MYL11: variants seen among roughly 807,000 people sequenced by gnomAD.
The protein encoded by MYL11 is myosin light chain 11.
the MYL11 span, chr16:30,374,769 G>A: frequency 6.5e-7 from 1 of 1,534,810 alleles, no homozygotes; most frequent in South Asian, 1.2e-5. Flanking sequence ...CCTGGGGCAG[G>A]ACTATATAAC....
At chr16:30,376,860 G>C in the MYL11 span, among the ~76,000 whole-genome samples, 1 of 152,130 alleles carries the variant, frequency 6.6e-6, no homozygotes, top group South Asian at 2.1e-4. Flanking sequence ...TTGAGGACAG[G>C]AGTTTGAGAT....
chr16:30,377,951 A>C, the MYL11 span: 51 of 1,520,816 alleles, frequency 3.4e-5, no homozygotes, highest in Non-Finnish European at 4.4e-5. Context: ...CCCGACCTCC[A>C]CCCCGGCTCC....
chr16:30,376,932 G>T, the MYL11 span, among the ~76,000 whole-genome samples: 3 of 152,188 alleles, frequency 2.0e-5, no homozygotes, highest in Admixed American at 6.5e-5. Flanking sequence ...TCGTGGGCTG[G>T]CCGGGCACAG....
the MYL11 span, among the ~76,000 whole-genome samples, chr16:30,377,145 G>A: frequency 2.6e-5 from 4 of 151,984 alleles, no homozygotes; most frequent in Non-Finnish European, 5.9e-5. Context: ...CCCTGGAGTC[G>A]GAGGTTGCAG....
the MYL11 span, chr16:30,377,879 C>T: frequency 5.4e-5 from 87 of 1,612,824 alleles, no homozygotes; most frequent in Non-Finnish European, 7.1e-5. Flanking sequence ...TCACGCACGG[C>T]GACGCCAAGG....
the MYL11 span, among the ~76,000 whole-genome samples, chr16:30,371,777 T>C: frequency 6.6e-6 from 1 of 152,116 alleles, no homozygotes; most frequent in Non-Finnish European, 1.5e-5. Flanking sequence ...GCCACATCCC[T>C]CTGTGCTCCT....
At chr16:30,377,756 A>C in the MYL11 span, 1 of 1,604,896 alleles carries the variant, frequency 6.2e-7, no homozygotes, top group Non-Finnish European at 8.5e-7. Flanking sequence ...GGCCGGGGAG[A>C]CTAAGGGCCT....
chr16:30,371,054 T>C, the MYL11 span: 2 of 152,198 alleles, frequency 1.3e-5, no homozygotes, highest in Non-Finnish European at 2.9e-5. Context: ...TAGAGATTAA[T>C]TCGCCCCGTC....
the MYL11 span, chr16:30,375,953 C>A: frequency 3.1e-6 from 5 of 1,598,454 alleles, no homozygotes; most frequent in Admixed American, 8.5e-5. Context: ...TGACCAAAAG[C>A]AGCCCTGCTG....
chr16:30,373,205 T>C, the MYL11 span, among the ~76,000 whole-genome samples: 1 of 152,230 alleles, frequency 6.6e-6, no homozygotes, highest in Non-Finnish European at 1.5e-5. Context: ...TCCCAGCACT[T>C]TGAGCACTTT....
the MYL11 span, chr16:30,376,846 T>G: frequency 2.9e-5 from 22 of 766,924 alleles, no homozygotes; most frequent in Non-Finnish European, 4.3e-5. Context: ...GCAGGAGGAT[T>G]TACTTGAGGA....
chr16:30,377,811 G>A, the MYL11 span: 3 of 1,614,012 alleles, frequency 1.9e-6, no homozygotes, highest in African/African-American at 2.7e-5. Flanking sequence ...GAACATGTGG[G>A]CGGCCTTCCC....
At chr16:30,375,294 G>A in the MYL11 span, among the ~76,000 whole-genome samples, 5 of 152,024 alleles carry the variant, frequency 3.3e-5, no homozygotes, top group African/African-American at 1.2e-4. Context: ...GCGAAACCCC[G>A]TCTCTACTAA....
the MYL11 span, among the ~76,000 whole-genome samples, chr16:30,372,726 A>G: frequency 1.4e-5 from 2 of 145,672 alleles, no homozygotes; most frequent in East Asian, 2.0e-4. Context: ...AATATTCTAG[A>G]CTCATACTAG....
the MYL11 span, chr16:30,376,562 GC>G: frequency 6.2e-7 from 1 of 1,613,798 alleles, no homozygotes. Context: ...GGCCCCGGCT[GC>G]CTTTTCCCAG....
At chr16:30,373,423 G>A in the MYL11 span, among the ~76,000 whole-genome samples, 1 of 152,128 alleles carries the variant, frequency 6.6e-6, no homozygotes, top group Non-Finnish European at 1.5e-5. Context: ...GGGAAACCCC[G>A]TCTCTACTAA....
At chr16:30,376,575 C>G in the MYL11 span, 1 of 1,613,450 alleles carries the variant, frequency 6.2e-7, no homozygotes, top group Non-Finnish European at 8.5e-7. Flanking sequence ...TTTTCCCAGA[C>G]CCTTCAGGGA....
the MYL11 span, among the ~76,000 whole-genome samples, chr16:30,373,488 C>T: frequency 1.3e-5 from 2 of 151,242 alleles, no homozygotes; most frequent in Admixed American, 1.3e-4. Context: ...CCCAGCTACT[C>T]GGGAGGCTGA....
At chr16:30,377,824 C>G in the MYL11 span, 15 of 1,614,022 alleles carry the variant, frequency 9.3e-6, no homozygotes, top group African/African-American at 5.3e-5. Context: ...GCCTTCCCCC[C>G]CGACGTGGGC....
Sources: allele counts gnomAD v4.1 joint callset (sites outside exome capture counted in the v4.1 genomes callset), GRCh38; gene constraint gnomAD v4.1.1; transcripts MANE v1.5; gene names NCBI Gene and HGNC (gene_info 2026-07-23, HGNC 2026-07-21).